The following PIAS3 variants were observed in gnomAD, a reference collection of about 807,000 sequenced individuals.
PIAS3 encodes protein inhibitor of activated STAT 3.
Under a neutral mutation model 67.6 loss-of-function variants are expected in PIAS3, and 34 were observed. That is an observed-to-expected ratio of 0.50 (90% CI 0.38 to 0.67). PIAS3 has a LOEUF of 0.67. Ranked by LOEUF, PIAS3 falls within the 30% of genes least tolerant of loss-of-function variation. The pLI, the probability that PIAS3 is intolerant of heterozygous loss-of-function variation, is 0.00. For synonymous variants in PIAS3, 341 were observed against 313.8 expected (o/e 1.09, Z -0.92); for missense variants, 693 against 791.6 (o/e 0.88, Z 1.49).
intron 11 of PIAS3, 29 bp downstream of exon 11, chr1:145,850,742 T>A: frequency 6.2e-7 from 1 of 1,612,216 alleles, no homozygotes; most frequent in Non-Finnish European, 8.5e-7. Flanking sequence ...CTGTCCGTTT[T>A]GCTGTAGACT....
rs1553734902 is a variant in PIAS3, at chr1:145,853,856, C to A, written c.941G>T (p.Ser314Ile). The A allele has an allele frequency of 6.2e-7, 1 of 1,614,124 alleles. No individual in the cohort carries two copies. The highest frequency in any genetic ancestry group is 1.3e-5 in the African/African-American group (1 of 75,054). Reference protein sequence around the residue: ...IKEKLTADPDSEVATTSLRVS... With the variant: ...IKEKLTADPDIEVATTSLRVS... ...CCGGAGACTTGTAGTGGCCACCTCACTGTCAGGGTCAGCAGTCAATTTCTC... is the reference window on the plus strand; with the variant it reads ...CCGGAGACTTGTAGTGGCCACCTCAATGTCAGGGTCAGCAGTCAATTTCTC... The change falls in exon 8 of 14, where the codon AGT becomes ATT. Residue 314 changes from serine to isoleucine, a missense_variant. Physicochemically the swap from Ser to Ile is moderately radical, Grantham distance 142. This residue lies in a region of PIAS3 where 115 missense variants were observed against 181.8 expected (regional missense o/e 0.63). Transcript: ENST00000393045.
rs1210636767 is a variant in PIAS3 at position 145,850,173 on chromosome 1, T to A, written c.1620+59A>T. The A allele has an allele frequency of 2.9e-5, 47 of 1,612,088 alleles. No homozygotes were observed. The East Asian group carries it at 4.7e-4, about 16-fold the overall frequency. On this transcript the variant is annotated intron_variant, in intron 13 of 13. Transcript: ENST00000393045. The stretch of plus-strand genomic sequence containing the variant: ...GATCATAAGAGAGGGAGGGGCCCCA[T>A]CAGTGTCTAGAAAGGAAGCTTCAGA...
At chr1:145,850,300 T>A (rs1553733864) in intron 12 of PIAS3, 31 bp from the exon 13 acceptor site, 5 of 1,614,070 alleles carry the variant, frequency 3.1e-6, no homozygotes, top group Non-Finnish European at 4.2e-6. Flanking sequence ...AAAATTAACC[T>A]CCTATCTGAC....
chr1:145,853,821 T>C lies in PIAS3; in HGVS notation c.976A>G (p.Met326Val). ...VATTSLRVSLMCPLGKMRLTV... is the reference protein window; with the variant it reads ...VATTSLRVSLVCPLGKMRLTV... ...TCTCCCCTTTTACCCACCGGGCACA[T>C]GAGTGACACCCGGAGACTTGTAGTG... Residue 326 changes from methionine to valine, a missense_variant, in exon 8 of 14, where the codon ATG becomes GTG. Around this residue, in one of 3 missense-constraint regions of PIAS3, gnomAD observed 115 missense variants for 181.8 expected, o/e 0.63. Coordinates refer to ENST00000393045, the MANE Select transcript of PIAS3 (RefSeq NM_006099.3). The C allele has an allele frequency of 6.2e-7, 1 of 1,613,850 alleles. No homozygotes were observed. The highest frequency in any genetic ancestry group is 8.5e-7 in the Non-Finnish European group (1 of 1,179,788).
Position 145,856,680 on chromosome 1 carries a change from G to A in PIAS3, c.351C>T (p.Pro117=), listed in dbSNP as rs781925920. The change falls in exon 2 of 14, where the codon CCC becomes CCT. Residue 117 remains proline (P), a synonymous_variant. Coordinates refer to ENST00000393045, the MANE Select transcript of PIAS3 (RefSeq NM_006099.3). ...LGPKREVDMH[P]PLPQPVHPDV... is the part of the protein sequence containing the mutation. ...CAGGGTGCACAGGCTGGGGCAGAGG[G>A]GGGTGCATGTCCACCTCACGCTTGG... 5.0e-6 allele frequency: 8 copies of A among 1,609,078 alleles called. No individual in the cohort carries two copies. The highest frequency in any genetic ancestry group is 2.7e-5 in the African/African-American group (2 of 74,840).
intron 6 of PIAS3, 91 bp from the exon 7 acceptor site, chr1:145,854,654 A>G (rs1553735143): frequency 6.3e-7 from 1 of 1,594,162 alleles, no homozygotes; most frequent in Non-Finnish European, 8.6e-7. Context: ...ACAGACTCAT[A>G]AAGAGGAAAA....
rs139486710 is a variant in PIAS3 at position 145,852,693 on chromosome 1, C to T, written c.1145+811G>A. On this transcript the variant is annotated intron_variant, in intron 9 of 13. Transcript: ENST00000393045. Reference sequence around the variant, plus strand: ...GCAGCCTCAAACTCCTGGGTTCAAGCCATCCTCCTGCCTCAGCCTCCTGAG... The same window carrying T: ...GCAGCCTCAAACTCCTGGGTTCAAGTCATCCTCCTGCCTCAGCCTCCTGAG... 8.0e-3 allele frequency among the ~76,000 whole-genome samples: 1,222 copies of T among 152,160 alleles called. 10 individuals are homozygous for T. Among genetic ancestry groups the T allele is most frequent in the Non-Finnish European group, 0.013 (866 of 68,004 alleles).
chr1:145,856,248 T>C (rs782535239), intron 3 of PIAS3, 99 bp downstream of exon 3: 78 of 1,232,434 alleles, frequency 6.3e-5, no homozygotes, highest in Non-Finnish European at 9.0e-5. Flanking sequence ...AAGAGACAAG[T>C]AGGTATAGGA....
chr1:145,855,072 G>T (rs1653112677), intron 5 of PIAS3, among the ~76,000 whole-genome samples, 192 bp from the exon 6 acceptor site: 1 of 152,220 alleles, frequency 6.6e-6, no homozygotes. Flanking sequence ...TATGTGTGGG[G>T]TTCACTCCTG....
At chr1:145,854,714 C>A in intron 6 of PIAS3, 32 bp downstream of exon 6, 5 of 1,614,042 alleles carry the variant, frequency 3.1e-6, no homozygotes, top group Non-Finnish European at 4.2e-6. Flanking sequence ...CCTCAGCAGG[C>A]TTTTCCAGGC....
At position 145,856,393 on chromosome 1, in the gene PIAS3, T is replaced by C; in HGVS notation, c.481A>G (p.Thr161Ala). 1 of 1,613,920 alleles carries C rather than the reference T, an allele frequency of 6.2e-7. No individual in the cohort carries two copies. Among genetic ancestry groups the C allele is most frequent in the South Asian group, 1.1e-5 (1 of 91,082 alleles). Residue 161 changes from threonine (T) to alanine (A), a missense_variant, in exon 3 of 14, where the codon ACC (threonine) becomes GCC (alanine). Physicochemically the swap from Thr to Ala is moderately conservative, Grantham distance 58. Around this residue, in one of 3 missense-constraint regions of PIAS3, gnomAD observed 308 missense variants for 348.8 expected, o/e 0.88. Transcript: ENST00000393045. ...ACTTGCTGGGGTGTGAGGGCAAAGG[T>C]AAAGTGCGCTTCCTCAAACCGCTGG... The part of the protein sequence containing the change: ...SSQRFEEAHF[T>A]FALTPQQVQQ...
intron 9 of PIAS3, among the ~76,000 whole-genome samples, chr1:145,851,993 G>C (rs587658522): frequency 6.6e-6 from 1 of 151,486 alleles, no homozygotes; most frequent in South Asian, 2.1e-4. Context: ...GAGCACTTAC[G>C]TGTAGTATAA....
chr1:145,858,862 G>A (rs1232261047), intron 1 of PIAS3, 105 bp downstream of exon 1: 162 of 996,042 alleles, frequency 1.6e-4, no homozygotes, highest in Non-Finnish European at 2.1e-4. Flanking sequence ...TGCCTGCCAC[G>A]TCGTCGGCGC....
chr1:145,854,543 G>C lies in PIAS3; in HGVS notation c.825C>G (p.Tyr275Ter). 1 of 1,613,784 alleles carries C rather than the reference G, an allele frequency of 6.2e-7. No individual in the cohort carries two copies. The highest frequency in any genetic ancestry group is 2.2e-5 in the East Asian group (1 of 44,880). The change falls in exon 7 of 14, where the codon TAC becomes TAG. Residue 275 changes from tyrosine to a stop codon, truncating the protein, a stop_gained. Transcript: ENST00000393045. LOFTEE classifies it high-confidence loss of function. ...TTCCTGCAGTCAACTGCCTCACCAG[G>C]TACACAGACAAGGAGTAATTCTACT... ...EFGRNYSLSV[Y>*]LVRQLTAGTL...
rs376869620 is a variant in PIAS3, at chr1:145,850,310, C to T, written c.1583-41G>A. 1.9e-3 allele frequency: 3,120 copies of T among 1,614,016 alleles called. 16 individuals carry two copies. The highest frequency in any genetic ancestry group is 9.1e-3 in the South Asian group (830 of 91,070). Reference sequence around the variant, plus strand: ...AAATCAAAATTAACCTCCTATCTGACCCCTTTACCACCAAAAGACAAAGCA... The same window carrying T: ...AAATCAAAATTAACCTCCTATCTGATCCCTTTACCACCAAAAGACAAAGCA... On this transcript the variant is annotated intron_variant, in intron 12 of 13. Coordinates refer to ENST00000393045, the MANE Select transcript of PIAS3 (RefSeq NM_006099.3).
intron 1 of PIAS3, 58 bp downstream of exon 1, chr1:145,858,909 C>A (rs1332320844): frequency 9.0e-6 from 13 of 1,444,548 alleles, no homozygotes; most frequent in Non-Finnish European, 1.1e-5. Context: ...GGTCGCTTCC[C>A]GGACACGGCG....
intron 1 of PIAS3, 112 bp downstream of exon 1, chr1:145,858,855 C>T: frequency 2.0e-6 from 2 of 983,128 alleles, no homozygotes; most frequent in Non-Finnish European, 2.9e-6. Flanking sequence ...CAGCTCGTGC[C>T]TGCCACGTCG....
chr1:145,856,920 G>A lies in PIAS3; in HGVS notation c.111C>T (p.Leu37=), dbSNP rs994154843. 1.1e-5 allele frequency: 17 copies of A among 1,614,154 alleles called. No individual in the cohort carries two copies. The East Asian group carries it at 3.6e-4, about 34-fold the overall frequency. ...GRNKSGRKHE[L]LAKALHLLKS... is the part of the protein sequence containing the mutation. ...TCAGGAGGTGCAGAGCCTTGGCCAG[G>A]AGCTCGTGCTTCCGTCCACTCTTGT... The change falls in exon 2 of 14, where the codon CTC becomes CTT. Residue 37 remains leucine, a synonymous_variant. Transcript: ENST00000393045.
chr1:145,849,331 G>C lies in PIAS3; in HGVS notation c.*115C>G. ...GAGGCCAAAAGTAGGCATCTGTGAAGGTCTGTCTGGCCCTTGGCCAGAGCC... is the reference window on the plus strand; with the variant it reads ...GAGGCCAAAAGTAGGCATCTGTGAACGTCTGTCTGGCCCTTGGCCAGAGCC... On this transcript the variant is annotated 3_prime_UTR_variant, in exon 14 of 14. Coordinates refer to ENST00000393045, the MANE Select transcript of PIAS3 (RefSeq NM_006099.3). The C allele has an allele frequency of 9.0e-7, 1 of 1,105,800 alleles. No homozygotes were observed. Among genetic ancestry groups the C allele is most frequent in the Non-Finnish European group, 1.2e-6 (1 of 830,730 alleles). The allele number at this position is 1,105,800 out of a possible 1,614,324, so 68.5% of individuals were successfully genotyped here.
Sources: allele counts gnomAD v4.1 joint callset (sites outside exome capture counted in the v4.1 genomes callset), GRCh38; gene constraint gnomAD v4.1.1; regional missense constraint gnomAD v4.1.1; transcripts MANE v1.5; gene names NCBI Gene and HGNC (gene_info 2026-07-23, HGNC 2026-07-21).